The following DNAAF1 variants were observed in gnomAD, a reference collection of about 807,000 sequenced individuals.
DNAAF1 encodes the protein dynein axonemal assembly factor 1, also known as dynein assembly factor 1, axonemal.
A neutral mutation model predicts 71.1 loss-of-function variants in DNAAF1; 65 were observed. The observed-to-expected ratio is 0.91, with a 90% CI of 0.75 to 1.12. The LOEUF is 1.12. Ranked by LOEUF, DNAAF1 falls within the 50% of genes most tolerant of loss-of-function variation. The probability of loss-of-function intolerance (pLI) is 0.00; values close to 1 mark genes in which losing one functional copy is unlikely to be tolerated. For synonymous variants in DNAAF1, 414 were observed against 354.6 expected (o/e 1.17, Z -1.88); for missense variants, 1,178 against 899.8 (o/e 1.31, Z -3.96).
At chr16:84,172,996 T>G (rs570323618) in intron 9 of DNAAF1, 2 of 995,424 alleles carry the variant, frequency 2.0e-6, no homozygotes, top group East Asian at 2.1e-4. Flanking sequence ...TCACACATTG[T>G]CTCACAACCC....
At chr16:84,155,853 C>T (rs538560017) in intron 5 of DNAAF1, 104 bp downstream of exon 5, 4 of 1,417,238 alleles carry the variant, frequency 2.8e-6, no homozygotes, top group African/African-American at 2.8e-5. Context: ...TTCCTGCCTT[C>T]CTTCCCTTTT....
rs923621112 is a variant in DNAAF1, at chr16:84,145,321, C to A, written c.-120C>A. ...AAGCGTTGGGCTGTAAAGACTAGGG[C>A]GCCAGCGGCTGGCGAAGAAGGAAAG... On this transcript the variant is annotated 5_prime_UTR_variant, in exon 1 of 12. Coordinates refer to ENST00000378553, the MANE Select transcript of DNAAF1 (RefSeq NM_178452.6). The A allele has an allele frequency of 6.7e-7, 1 of 1,496,604 alleles. No individual in the cohort carries two copies. The highest frequency in any genetic ancestry group is 9.0e-7 in the Non-Finnish European group (1 of 1,112,380). The allele number at this position is 1,496,604 out of a possible 1,614,324, so 92.7% of individuals were successfully genotyped here.
intron 1 of DNAAF1, among the ~76,000 whole-genome samples, chr16:84,148,081 A>G (rs2086999971): frequency 6.6e-6 from 1 of 152,110 alleles, no homozygotes; most frequent in African/African-American, 2.4e-5. Flanking sequence ...AAAAAAAGAA[A>G]TAAAACATTT....
At chr16:84,148,437 A>T (rs572171321) in intron 1 of DNAAF1, among the ~76,000 whole-genome samples, 4 of 151,794 alleles carry the variant, frequency 2.6e-5, no homozygotes, top group African/African-American at 9.7e-5. Context: ...TTTGGCTTTT[A>T]TAAAAAAAAA....
intron 1 of DNAAF1, among the ~76,000 whole-genome samples, chr16:84,146,958 C>G (rs2086943539): frequency 6.6e-6 from 1 of 152,136 alleles, no homozygotes; most frequent in Admixed American, 6.5e-5. Flanking sequence ...GTATGAGGAG[C>G]CATAGGGAAC....
intron 6 of DNAAF1, among the ~76,000 whole-genome samples, chr16:84,163,383 CT>C (rs71382897): frequency 0.33 from 44,833 of 135,240 alleles, 7,534 homozygotes; most frequent in Non-Finnish European, 0.41. Flanking sequence ...CTCTCTTTTT[CT>C]TTTTTTTTTT....
intron 1 of DNAAF1, among the ~76,000 whole-genome samples, chr16:84,147,637 A>G (rs959698572): frequency 4.8e-5 from 7 of 146,780 alleles, no homozygotes; most frequent in African/African-American, 1.7e-4. Context: ...GAAATTTTTT[A>G]AAAGACAAAA....
At chr16:84,161,404 G>C (rs1158763884) in intron 6 of DNAAF1, among the ~76,000 whole-genome samples, 1 of 152,168 alleles carries the variant, frequency 6.6e-6, no homozygotes, top group Non-Finnish European at 1.5e-5. Flanking sequence ...TCTCTTTTTA[G>C]AGACGGGGTT....
At chr16:84,165,076 A>G (rs1241231878) in intron 6 of DNAAF1, among the ~76,000 whole-genome samples, 1 of 152,182 alleles carries the variant, frequency 6.6e-6, no homozygotes, top group Admixed American at 6.5e-5. Context: ...AGGTACCCTG[A>G]TCATTTGCCC....
intron 11 of DNAAF1, chr16:84,177,180 T>C (rs898905979): frequency 2.0e-4 from 37 of 185,260 alleles, no homozygotes; most frequent in African/African-American, 8.2e-4. Context: ...TGAGTGGCCT[T>C]CTCTTCCACT....
intron 6 of DNAAF1, among the ~76,000 whole-genome samples, chr16:84,161,558 G>T (rs961445009): frequency 3.3e-5 from 5 of 152,126 alleles, no homozygotes; most frequent in African/African-American, 1.2e-4. Flanking sequence ...AGAGATGGGG[G>T]TCTCACTATG....
In DNAAF1 at chr16:84,169,911, C is replaced by T. The variant is rs200487337; in HGVS notation, c.1083C>T (p.Gly361=). Residue 361 remains glycine, a synonymous_variant, in exon 8 of 12, where the codon GGC becomes GGT. Transcript: ENST00000378553. ...AGAATGTGCCCGCCAGTGCGGAAGG[C>T]AAGGAGGAGCCTCCCGGGGACAGAG... ...DGENVPASAE[G]KEEPPGDRET... The T allele has an allele frequency of 3.0e-4, 482 of 1,614,130 alleles. No individual in the cohort carries two copies. Among genetic ancestry groups the T allele is most frequent in the Non-Finnish European group, 4.0e-4 (471 of 1,180,032 alleles).
At chr16:84,174,111 G>C in intron 9 of DNAAF1, 1 of 917,460 alleles carries the variant, frequency 1.1e-6, no homozygotes, top group Non-Finnish European at 1.3e-6. Flanking sequence ...CCCAAAGCCA[G>C]ACAGCTAGAA....
intron 5 of DNAAF1, among the ~76,000 whole-genome samples, chr16:84,156,484 G>T (rs552012987): frequency 1.3e-5 from 2 of 152,200 alleles, no homozygotes; most frequent in Non-Finnish European, 2.9e-5. Flanking sequence ...ACATCCGGGA[G>T]CGTGTGATGC....
At chr16:84,162,126 CTATAG>C (rs2087743015) in intron 6 of DNAAF1, 1 of 152,248 alleles carries the variant, frequency 6.6e-6, no homozygotes, top group African/African-American at 2.4e-5. Flanking sequence ...TCTTTCTCTG[CTATAG>C]TATACTTTGC....
In DNAAF1 at chr16:84,172,351, G is replaced by A; in HGVS notation, c.1620G>A (p.Glu540=). The change falls in exon 9 of 12, where the codon GAG becomes GAA. Residue 540 remains glutamate, a synonymous_variant. Coordinates refer to ENST00000378553, the MANE Select transcript of DNAAF1 (RefSeq NM_178452.6). The part of the protein sequence containing the change: ...RTEDLETIRL[E]TKETFCIDDL... ...AAGATTTAGAAACCATTAGACTGGA[G>A]ACAAAGGAGACATTCTGCATTGATG... 1.9e-6 allele frequency: 3 copies of A among 1,614,168 alleles called. No homozygotes were observed. Among genetic ancestry groups the A allele is most frequent in the South Asian group, 1.1e-5 (1 of 91,076 alleles).
At chr16:84,153,299 C>G (rs1349829944) in intron 3 of DNAAF1, among the ~76,000 whole-genome samples, 3 of 152,102 alleles carry the variant, frequency 2.0e-5, no homozygotes, top group Non-Finnish European at 4.4e-5. Context: ...AGGCTTAATA[C>G]CTAGGTGATG....
Position 84,155,680 on chromosome 16 carries a change from C to G in DNAAF1, c.672C>G (p.Val224=), listed in dbSNP as rs759559926. 6.2e-7 allele frequency: 1 copy of G among 1,614,164 alleles called. No individual in the cohort carries two copies. Among genetic ancestry groups the G allele is most frequent in the South Asian group, 1.1e-5 (1 of 91,082 alleles). Reference sequence around the variant, plus strand: ...TACAAGAGTGTTTGAGGCTTTGTGTCCTTGACCTTTCGCACAACAAGCTGA... The same window carrying G: ...TACAAGAGTGTTTGAGGCTTTGTGTGCTTGACCTTTCGCACAACAAGCTGA... ...QHLQECLRLC[V]LDLSHNKLSD... The change falls in exon 5 of 12, where the codon GTC becomes GTG. Residue 224 remains valine, a synonymous_variant. Coordinates refer to ENST00000378553, the MANE Select transcript of DNAAF1 (RefSeq NM_178452.6).
chr16:84,153,623 T>C (rs2087281547), intron 3 of DNAAF1, among the ~76,000 whole-genome samples: 1 of 152,170 alleles, frequency 6.6e-6, no homozygotes, highest in Non-Finnish European at 1.5e-5. Flanking sequence ...TATTAGAATT[T>C]TTTAATAAAA....
Sources: gnomAD v4.1 joint callset for allele counts (sites outside exome capture counted in the v4.1 genomes callset) on GRCh38, gnomAD v4.1.1 for gene constraint, MANE v1.5 for transcripts, NCBI Gene and HGNC (gene_info 2026-07-23, HGNC 2026-07-21) for gene names.